The following VPS13C variants were observed in gnomAD, a reference collection of about 807,000 sequenced individuals.
The protein encoded by VPS13C is intermembrane lipid transfer protein VPS13C.
Under a neutral mutation model 456.8 loss-of-function variants are expected in VPS13C, and 358 were observed. The ratio of observed to expected loss-of-function variants is 0.78; its 90% CI spans 0.72 to 0.86. VPS13C has a LOEUF of 0.86. Among genes scored for constraint, VPS13C ranks in the 40% least tolerant of loss-of-function variants. VPS13C has a pLI of 0.00. For synonymous variants in VPS13C, 1,578 were observed against 1,486.7 expected (o/e 1.06, Z -1.41); for missense variants, 4,818 against 4,385.4 (o/e 1.10, Z -2.79).
At chr15:61,860,823 G>A (rs992123754) in intron 82 of VPS13C, among the ~76,000 whole-genome samples, 11 of 151,968 alleles carry the variant, frequency 7.2e-5, no homozygotes, top group African/African-American at 2.4e-4. Context: ...CATATAATCT[G>A]TTATTCAAAC....
In VPS13C at chr15:61,934,228, A is replaced by G; in HGVS notation, c.5859T>C (p.Asp1953=). 1 of 1,576,370 alleles carries G rather than the reference A, an allele frequency of 6.3e-7. No homozygotes were observed. Residue 1953 remains aspartate, a synonymous_variant, in exon 49 of 85, where the codon GAT becomes GAC. Coordinates refer to ENST00000644861, the MANE Select transcript of VPS13C (RefSeq NM_020821.3). The part of the protein sequence containing the change: ...ESLSIILYNN[D]INQESGVAFH... ...GAAATGTATTACATACCTGGTTGAT[A>G]TCATTGTTATAAAGGATAATGGAAA... is the stretch of plus-strand genomic sequence containing the variant.
chr15:61,942,101 GGC>G, intron 45 of VPS13C, 34 bp from the exon 46 acceptor site: 1 of 1,493,792 alleles, frequency 6.7e-7, no homozygotes, highest in Non-Finnish European at 8.9e-7. Flanking sequence ...GGGGAAAAAA[GGC>G]ATTTATTTTT....
At chr15:62,030,132 A>G (rs2047763055) in intron 5 of VPS13C, among the ~76,000 whole-genome samples, 2 of 152,158 alleles carry the variant, frequency 1.3e-5, no homozygotes, top group Admixed American at 6.6e-5. Context: ...GGAAAATACT[A>G]TCATTTCTCA....
At chr15:61,900,151 A>G (rs1317361481) in intron 66 of VPS13C, among the ~76,000 whole-genome samples, 1 of 152,068 alleles carries the variant, frequency 6.6e-6, no homozygotes, top group East Asian at 1.9e-4. Context: ...CCCACAGCCA[A>G]TATCATACTG....
rs572906837 is a variant in VPS13C at position 61,919,522 on chromosome 15, C to A, written c.7478-73G>T. 235 of 1,331,564 alleles carry A rather than the reference C, an allele frequency of 1.8e-4. 2 individuals carry two copies. In the African/African-American group the frequency reaches 3.1e-3, roughly 17 times the overall value. The allele number at this position is 1,331,564 out of a possible 1,614,324, so 82.5% of individuals were successfully genotyped here. A position where few individuals can be genotyped will look rare whatever the true frequency, so the allele number is the denominator to read the frequency against. On this transcript the variant is annotated intron_variant, in intron 57 of 84. Transcript: ENST00000644861. ...TGTTTCTCTATAACAATCATTAGTACCTCAAAATAATGAAGAGTATTTTTC... is the reference window on the plus strand; with the variant it reads ...TGTTTCTCTATAACAATCATTAGTAACTCAAAATAATGAAGAGTATTTTTC...
chr15:61,988,615 T>C lies in VPS13C; in HGVS notation c.1578+2385A>G, dbSNP rs143326803. Among the ~76,000 whole-genome samples the C allele has an allele frequency of 5.9e-3, 892 of 152,286 alleles. 7 individuals carry two copies. Among genetic ancestry groups the C allele is most frequent in the African/African-American group, 0.02 (848 of 41,562 alleles). On this transcript the variant is annotated intron_variant, in intron 18 of 84. Transcript: ENST00000644861. ...TGATTCTAAAATTTATGTGGAAATT[T>C]TAAGGACCAAGAATAGAAAAGGTAA...
chr15:61,923,294 C>G (rs1009905497), intron 53 of VPS13C, among the ~76,000 whole-genome samples: 1 of 152,002 alleles, frequency 6.6e-6, no homozygotes, highest in Non-Finnish European at 1.5e-5. Context: ...TGACTTACCC[C>G]AAGATCTATA....
chr15:61,955,622 G>A (rs968810226), intron 37 of VPS13C, among the ~76,000 whole-genome samples: 2 of 152,114 alleles, frequency 1.3e-5, no homozygotes, highest in African/African-American at 4.8e-5. Context: ...CAGGGGAAAT[G>A]ATTCTAGCAA....
chr15:61,865,684 ATG>A, intron 81 of VPS13C: 1 of 384,624 alleles, frequency 2.6e-6, no homozygotes, highest in South Asian at 1.1e-4. Flanking sequence ...GTATATTTGT[ATG>A]TGTATATATA....
At chr15:62,006,275 C>A (rs550548240) in intron 15 of VPS13C, among the ~76,000 whole-genome samples, 20 of 152,114 alleles carry the variant, frequency 1.3e-4, no homozygotes, top group Non-Finnish European at 2.1e-4. Flanking sequence ...CCACAACAGT[C>A]CCCGGTGTGT....
chr15:61,891,603 T>TC (rs1474978631), intron 66 of VPS13C, among the ~76,000 whole-genome samples: 1 of 152,194 alleles, frequency 6.6e-6, no homozygotes, highest in African/African-American at 2.4e-5. Context: ...CAATAAAATA[T>TC]CCCCAGGTAA....
intron 24 of VPS13C, among the ~76,000 whole-genome samples, chr15:61,975,371 C>T (rs925900008): frequency 1.3e-5 from 2 of 151,998 alleles, no homozygotes; most frequent in African/African-American, 4.8e-5. Context: ...ATTGATAAAC[C>T]TCTGATCACA....
Position 61,983,680 on chromosome 15 carries a change from C to T in VPS13C, c.1914+140G>A, listed in dbSNP as rs147164160. 299 of 960,128 alleles carry T rather than the reference C, an allele frequency of 3.1e-4. 5 individuals carry two copies. The East Asian group carries it at 7.0e-3, about 22-fold the overall frequency. The allele number at this position is 960,128 out of a possible 1,614,324, so 59.5% of individuals were successfully genotyped here. ...AAAATTAGCTGCTGAACATATACTG[C>T]TTTTGAAACAAGAAAAACCTATTAG... On this transcript the variant is annotated intron_variant, in intron 20 of 84. Coordinates refer to ENST00000644861, the MANE Select transcript of VPS13C (RefSeq NM_020821.3).
chr15:61,875,023 G>C (rs913239520), intron 76 of VPS13C, 72 bp from the exon 77 acceptor site: 4 of 1,321,984 alleles, frequency 3.0e-6, no homozygotes, highest in African/African-American at 3.0e-5. Context: ...TAATAGTTCA[G>C]GGTTTGCAAG....
At chr15:61,876,386 CATT>C (rs926822506) in intron 75 of VPS13C, among the ~76,000 whole-genome samples, 7 of 151,654 alleles carry the variant, frequency 4.6e-5, no homozygotes, top group African/African-American at 1.7e-4. Context: ...ACTTTACCAT[CATT>C]ATTAATAAAT....
At chr15:62,054,520 A>G (rs2048725503) in intron 1 of VPS13C, among the ~76,000 whole-genome samples, 1 of 152,218 alleles carries the variant, frequency 6.6e-6, no homozygotes, top group South Asian at 2.1e-4. Context: ...GATTTGAACA[A>G]TGACAACACA....
intron 66 of VPS13C, among the ~76,000 whole-genome samples, chr15:61,901,719 C>T (rs532426910): frequency 1.0e-3 from 154 of 151,834 alleles, no homozygotes; most frequent in African/African-American, 3.6e-3. Context: ...CCTCAGGGAT[C>T]TAGAACTAGA....
At chr15:61,946,808 T>G (rs2044621928) in intron 43 of VPS13C, among the ~76,000 whole-genome samples, 1 of 152,036 alleles carries the variant, frequency 6.6e-6, no homozygotes, top group Non-Finnish European at 1.5e-5. Context: ...TTTACTATAT[T>G]ATTAAAAACT....
intron 66 of VPS13C, among the ~76,000 whole-genome samples, chr15:61,894,936 G>A (rs551015391): frequency 1.3e-5 from 2 of 152,218 alleles, no homozygotes; most frequent in East Asian, 1.9e-4. Context: ...CAGAATACAC[G>A]TTCTTCTCAT....
Sources: gnomAD v4.1 joint callset for allele counts (sites outside exome capture counted in the v4.1 genomes callset) on GRCh38, gnomAD v4.1.1 for gene constraint, MANE v1.5 for transcripts, NCBI Gene and HGNC (gene_info 2026-07-23, HGNC 2026-07-21) for gene names.